Variants in GPC6 observed in about 807,000 individuals in gnomAD.
GPC6 encodes glypican-6.
A neutral mutation model predicts 55.2 loss-of-function variants in GPC6; 14 were observed. The observed-to-expected ratio is 0.25, with a 90% CI of 0.17 to 0.40. GPC6 has a LOEUF of 0.40. Ranked by LOEUF, GPC6 falls within the 10% of genes least tolerant of loss-of-function variation. The pLI is 1.00. For missense variants in GPC6, 641 were observed against 708.5 expected, an observed-to-expected ratio of 0.90 and a Z score of 1.08; for synonymous variants, 278 against 259.6, an observed-to-expected ratio of 1.07 and a Z score of -0.68.
At chr13:93,681,797 A>G (rs1030450900) in intron 2 of GPC6, among the ~76,000 whole-genome samples, 22 of 152,182 alleles carry the variant, frequency 1.4e-4, no homozygotes, top group African/African-American at 4.6e-4. Flanking sequence ...TTAACTCAAT[A>G]TTACCCAAAG....
At chr13:94,040,335 A>G (rs574041735) in intron 4 of GPC6, among the ~76,000 whole-genome samples, 42 of 151,954 alleles carry the variant, frequency 2.8e-4, no homozygotes, top group Admixed American at 7.2e-4. Context: ...CAAGGTAATT[A>G]TTCATTGGTT....
At chr13:93,624,490 A>C (rs566105443) in intron 2 of GPC6, among the ~76,000 whole-genome samples, 8 of 152,316 alleles carry the variant, frequency 5.3e-5, no homozygotes, top group African/African-American at 1.9e-4. Context: ...GAGCTATTTC[A>C]TTGTGAATGG....
chr13:93,967,795 C>T (rs1196522872), intron 3 of GPC6, among the ~76,000 whole-genome samples: 1 of 152,126 alleles, frequency 6.6e-6, no homozygotes, highest in Non-Finnish European at 1.5e-5. Flanking sequence ...AATTTTCTTA[C>T]TCTCTTTACC....
chr13:93,235,665 T>C (rs916518431), intron 1 of GPC6, among the ~76,000 whole-genome samples: 6 of 152,142 alleles, frequency 3.9e-5, no homozygotes, highest in African/African-American at 1.4e-4. Flanking sequence ...AATTAAAAAC[T>C]TCACTCTGCT....
intron 1 of GPC6, among the ~76,000 whole-genome samples, chr13:93,371,177 G>A (rs1874633113): frequency 6.6e-6 from 1 of 152,038 alleles, no homozygotes; most frequent in African/African-American, 2.4e-5. Flanking sequence ...TTGGGATCAG[G>A]TTTATGGCTA....
intron 1 of GPC6, among the ~76,000 whole-genome samples, chr13:93,466,226 G>C (rs1000419298): frequency 1.3e-5 from 2 of 148,370 alleles, no homozygotes; most frequent in African/African-American, 4.9e-5. Context: ...AAAAAAAACA[G>C]TATCTGTGAA....
At chr13:94,040,447 C>T (rs1320029087) in intron 4 of GPC6, among the ~76,000 whole-genome samples, 7 of 151,790 alleles carry the variant, frequency 4.6e-5, no homozygotes, top group African/African-American at 1.7e-4. Context: ...TCCCAAATTG[C>T]CAAGTTACTG....
At chr13:94,288,731 T>C (rs1301999337) in intron 5 of GPC6, among the ~76,000 whole-genome samples, 1 of 134,242 alleles carries the variant, frequency 7.4e-6, no homozygotes, top group African/African-American at 2.8e-5. Flanking sequence ...GTTATATATA[T>C]ATAACAAATA....
intron 4 of GPC6, among the ~76,000 whole-genome samples, chr13:94,212,176 A>C (rs1890100569): frequency 2.0e-5 from 3 of 152,322 alleles, no homozygotes; most frequent in African/African-American, 7.2e-5. Context: ...CCATACTGAG[A>C]TGTACCAGCA....
chr13:94,275,030 G>A (rs1361306894), intron 4 of GPC6, among the ~76,000 whole-genome samples: 2 of 152,152 alleles, frequency 1.3e-5, no homozygotes, highest in Non-Finnish European at 2.9e-5. Flanking sequence ...GTGCAGAGGA[G>A]AAGGTAGCAA....
At chr13:93,399,154 T>C (rs1875975487) in intron 1 of GPC6, among the ~76,000 whole-genome samples, 1 of 152,084 alleles carries the variant, frequency 6.6e-6, no homozygotes, top group Admixed American at 6.5e-5. Context: ...ATGTGCATGA[T>C]CTGAAATACC....
intron 2 of GPC6, among the ~76,000 whole-genome samples, chr13:93,580,434 C>A (rs1258019801): frequency 1.3e-5 from 2 of 152,206 alleles, no homozygotes; most frequent in Non-Finnish European, 2.9e-5. Context: ...TGAAGGAGCA[C>A]ATGCAGTCAC....
chr13:94,080,099 T>C (rs995890322), intron 4 of GPC6, among the ~76,000 whole-genome samples: 30 of 152,194 alleles, frequency 2.0e-4, no homozygotes, highest in African/African-American at 7.2e-4. Context: ...ATTTCATTTC[T>C]CATAGAAAAG....
At chr13:93,223,767 T>C (rs1875682874), upstream of GPC6, among the ~76,000 whole-genome samples, 1 of 152,102 alleles carries the variant, frequency 6.6e-6, no homozygotes, top group East Asian at 1.9e-4. Flanking sequence ...AAAATAAATA[T>C]TTAGTAATTC....
chr13:93,238,333 G>T (rs183099774), intron 1 of GPC6, among the ~76,000 whole-genome samples: 2 of 151,896 alleles, frequency 1.3e-5, no homozygotes, highest in Non-Finnish European at 2.9e-5. Flanking sequence ...TTATTGTTTT[G>T]CAGCTATTGT....
chr13:94,138,318 T>C (rs1321356013), intron 4 of GPC6, among the ~76,000 whole-genome samples: 1 of 152,228 alleles, frequency 6.6e-6, no homozygotes, highest in East Asian at 1.9e-4. Context: ...TTGCCCTGTC[T>C]ATATAAACTT....
At chr13:93,228,213 C>T (rs1875879072) in intron 1 of GPC6, among the ~76,000 whole-genome samples, 1 of 152,140 alleles carries the variant, frequency 6.6e-6, no homozygotes, top group Admixed American at 6.5e-5. Flanking sequence ...GGCCTCTGGA[C>T]GCCGGCGTTT....
chr13:93,523,133 A>G (rs534094376), intron 1 of GPC6, among the ~76,000 whole-genome samples: 3 of 150,738 alleles, frequency 2.0e-5, no homozygotes, highest in African/African-American at 4.8e-5. Flanking sequence ...GTACCCATAT[A>G]TACATATACA....
At chr13:93,321,485 A>G (rs1879433496) in intron 1 of GPC6, among the ~76,000 whole-genome samples, 1 of 152,148 alleles carries the variant, frequency 6.6e-6, no homozygotes, top group South Asian at 2.1e-4. Context: ...AAGTTTAACT[A>G]AAAAATCCTT....
Sources: gnomAD v4.1 joint callset for allele counts (sites outside exome capture counted in the v4.1 genomes callset) on GRCh38, gnomAD v4.1.1 for gene constraint, MANE v1.5 for transcripts, NCBI Gene and HGNC (gene_info 2026-07-23, HGNC 2026-07-21) for gene names.